The following RASGRP3 variants were observed in gnomAD, a reference collection of about 807,000 sequenced individuals.
RASGRP3 encodes RAS guanyl releasing protein 3.
Under a neutral mutation model 82.7 loss-of-function variants are expected in RASGRP3, and 54 were observed. That is an observed-to-expected ratio of 0.65 (90% CI 0.52 to 0.82). The LOEUF is 0.82. RASGRP3 is among the 40% of genes least tolerant of loss of function. The pLI is 0.00. For missense variants in RASGRP3, 861 were observed against 828.9 expected (o/e 1.04, Z -0.48); for synonymous variants, 309 against 300.5 (o/e 1.03, Z -0.29).
chr2:33,551,398 T>C (rs963150417), intron 14 of RASGRP3, among the ~76,000 whole-genome samples: 2 of 152,138 alleles, frequency 1.3e-5, no homozygotes, highest in Non-Finnish European at 2.9e-5. Flanking sequence ...AATTCTGATG[T>C]GGGATGGGGC....
At position 33,544,340 on chromosome 2, in the gene RASGRP3, T is replaced by C. The variant is rs1674542891; in HGVS notation, c.1394+713T>C. Reference sequence around the variant, plus strand: ...AAAAAAAAAAACTCACTTATAGTCTTCATTAAAGCAGATGATAGCTGCAGA... The same window carrying C: ...AAAAAAAAAAACTCACTTATAGTCTCCATTAAAGCAGATGATAGCTGCAGA... On this transcript the variant is annotated intron_variant, in intron 13 of 17. Coordinates refer to ENST00000403687, the MANE Select transcript of RASGRP3 (RefSeq NM_001139488.2). Among the ~76,000 whole-genome samples, 4 of 152,262 alleles carry C rather than the reference T, an allele frequency of 2.6e-5. No homozygotes were observed. In the South Asian group the frequency reaches 8.3e-4, roughly 32 times the overall value.
intron 2 of RASGRP3, among the ~76,000 whole-genome samples, chr2:33,455,873 A>G (rs1194321607): frequency 1.3e-5 from 2 of 152,204 alleles, no homozygotes; most frequent in Admixed American, 6.5e-5. Context: ...AGGAGGTCCC[A>G]GAGGTTTGCC....
At chr2:33,520,958 C>G (rs1229028087) in intron 6 of RASGRP3, among the ~76,000 whole-genome samples, 3 of 152,200 alleles carry the variant, frequency 2.0e-5, no homozygotes, top group Non-Finnish European at 4.4e-5. Flanking sequence ...AAGGATTTGG[C>G]ATGCAATAGA....
At chr2:33,533,131 T>G (rs1014891032) in intron 10 of RASGRP3, 2 of 152,196 alleles carry the variant, frequency 1.3e-5, no homozygotes, top group African/African-American at 4.8e-5. Context: ...TGTGATTCAT[T>G]GAGTGTCCTA....
At chr2:33,501,438 A>T (rs971467236) in intron 1 of RASGRP3, among the ~76,000 whole-genome samples, 11 of 152,212 alleles carry the variant, frequency 7.2e-5, no homozygotes, top group African/African-American at 2.4e-4. Context: ...AGATCATATG[A>T]TAACTCTATG....
intron 14 of RASGRP3, among the ~76,000 whole-genome samples, chr2:33,554,764 C>T (rs914278932): frequency 1.3e-5 from 2 of 151,876 alleles, no homozygotes; most frequent in Non-Finnish European, 2.9e-5. Context: ...TGAGCCACCG[C>T]GCCTGGCCAG....
chr2:33,458,860 A>T (rs764010892), intron 2 of RASGRP3, among the ~76,000 whole-genome samples: 1 of 152,202 alleles, frequency 6.6e-6, no homozygotes, highest in South Asian at 2.1e-4. Context: ...AGTTGATTCC[A>T]TGGCCTCAGT....
chr2:33,547,053 GAAAA>G (rs767124838), intron 13 of RASGRP3, among the ~76,000 whole-genome samples: 2 of 123,914 alleles, frequency 1.6e-5, no homozygotes, highest in African/African-American at 2.9e-5. Context: ...CTGTCTCAGG[GAAAA>G]AAAAAAAAAA....
At chr2:33,559,749 C>A in intron 17 of RASGRP3, 2 of 432,184 alleles carry the variant, frequency 4.6e-6, no homozygotes, top group Non-Finnish European at 4.7e-6. Flanking sequence ...CCATTGCCAC[C>A]CTGTCGAATT....
Position 33,537,164 on chromosome 2 carries a change from G to A in RASGRP3, c.1162-1930G>A, listed in dbSNP as rs1475740851. On this transcript the variant is annotated intron_variant, in intron 11 of 17. Coordinates refer to ENST00000403687, the MANE Select transcript of RASGRP3 (RefSeq NM_001139488.2). ...TGGAGTGGGAAGATAATTGTATTAGGGTTCTCTTAGAGGGACAGAACTAAT... is the reference window on the plus strand; with the variant it reads ...TGGAGTGGGAAGATAATTGTATTAGAGTTCTCTTAGAGGGACAGAACTAAT... Among the ~76,000 whole-genome samples, 7 of 150,792 alleles carry A rather than the reference G, an allele frequency of 4.6e-5. No homozygotes were observed. The Admixed American group carries it at 4.6e-4, about 10-fold the overall frequency.
chr2:33,449,615 C>T (rs184103950), intron 2 of RASGRP3, among the ~76,000 whole-genome samples: 6 of 152,136 alleles, frequency 3.9e-5, no homozygotes, highest in Admixed American at 3.9e-4. Flanking sequence ...CAAAAATTAG[C>T]TGGGCATGGT....
intron 1 of RASGRP3, among the ~76,000 whole-genome samples, chr2:33,483,243 C>G (rs966044119): frequency 2.0e-5 from 3 of 152,090 alleles, no homozygotes; most frequent in African/African-American, 7.2e-5. Context: ...GAAGTCTTCT[C>G]TATTTGTCAA....
chr2:33,555,288 G>T, intron 14 of RASGRP3: 1 of 361,848 alleles, frequency 2.8e-6, no homozygotes, highest in Non-Finnish European at 5.0e-6. Context: ...AACTTTAGTA[G>T]TTTCCCATCC....
intron 1 of RASGRP3, among the ~76,000 whole-genome samples, chr2:33,494,055 A>G (rs2150964600): frequency 6.6e-6 from 1 of 152,278 alleles, no homozygotes; most frequent in Admixed American, 6.5e-5. Flanking sequence ...ATGATGGAAT[A>G]TTTTCCTTTC....
At chr2:33,487,811 C>A (rs1668523227) in intron 1 of RASGRP3, among the ~76,000 whole-genome samples, 1 of 152,098 alleles carries the variant, frequency 6.6e-6, no homozygotes, top group African/African-American at 2.4e-5. Context: ...CTTAAGAAAG[C>A]CATTAATGCC....
chr2:33,458,872 A>G (rs1666190791), intron 2 of RASGRP3, among the ~76,000 whole-genome samples: 1 of 152,222 alleles, frequency 6.6e-6, no homozygotes, highest in Non-Finnish European at 1.5e-5. Flanking sequence ...GGCCTCAGTG[A>G]TCTTTAGAGT....
upstream of RASGRP3, among the ~76,000 whole-genome samples, chr2:33,474,455 A>T (rs143397642): frequency 0.01 from 1,549 of 152,178 alleles, 23 homozygotes; most frequent in African/African-American, 0.036. Context: ...CAAGCACACC[A>T]CCACGCCCGG....
At chr2:33,545,382 C>G (rs2151082139) in intron 13 of RASGRP3, among the ~76,000 whole-genome samples, 2 of 152,254 alleles carry the variant, frequency 1.3e-5, no homozygotes, top group South Asian at 4.1e-4. Flanking sequence ...GAAAAAGGAA[C>G]TAAGTAGTCA....
intron 13 of RASGRP3, among the ~76,000 whole-genome samples, chr2:33,548,360 CAAAAAAAAAAA>C (rs775598057): frequency 2.5e-5 from 2 of 78,744 alleles, no homozygotes; most frequent in African/African-American, 1.0e-4. Flanking sequence ...GACTCCGTCT[CAAAAAAAAAAA>C]AAAAAAAAAA....
Sources: gnomAD v4.1 joint callset for allele counts (sites outside exome capture counted in the v4.1 genomes callset) on GRCh38, gnomAD v4.1.1 for gene constraint, MANE v1.5 for transcripts, NCBI Gene and HGNC (gene_info 2026-07-23, HGNC 2026-07-21) for gene names.